SNX18: variants seen among roughly 807,000 people sequenced by gnomAD.
The protein encoded by SNX18 is sorting nexin 18, also known as sorting nexin-18.
A neutral mutation model predicts 48.7 loss-of-function variants in SNX18; 35 were observed. The observed-to-expected ratio is 0.72, with a 90% CI of 0.55 to 0.95. SNX18 has a LOEUF of 0.95. Among genes scored for constraint, SNX18 ranks in the 40% least tolerant of loss-of-function variants. The pLI is 0.00. For synonymous variants in SNX18, 492 were observed against 384.7 expected (o/e 1.28, Z -3.26); for missense variants, 824 against 871.0 (o/e 0.95, Z 0.68).
In SNX18 at chr5:54,518,075, G is replaced by A. The variant is rs773962863; in HGVS notation, c.123G>A (p.Gly41=). 8.4e-6 allele frequency: 13 copies of A among 1,541,040 alleles called. No individual in the cohort carries two copies. The South Asian group carries it at 1.3e-4, about 16-fold the overall frequency. ...SEQDIEGWLE[G]VNSRGDRGLF... is the part of the protein sequence containing the mutation. ...AGGACATCGAGGGCTGGCTCGAGGG[G>A]GTCAACAGCCGCGGCGACCGCGGCC... Residue 41 remains glycine, a synonymous_variant, in exon 1 of 2, where the codon GGG becomes GGA. Coordinates refer to ENST00000381410, the MANE Select transcript of SNX18 (RefSeq NM_001102575.2).
chr5:54,523,146 T>A (rs1395383240), intron 1 of SNX18, among the ~76,000 whole-genome samples: 1 of 152,212 alleles, frequency 6.6e-6, no homozygotes, highest in Non-Finnish European at 1.5e-5. Flanking sequence ...CACTGACATG[T>A]AACCCCTGTG....
At chr5:54,624,112 G>A in the SNX18 span, among the ~76,000 whole-genome samples, 27,988 of 152,158 alleles carry the variant, frequency 0.18, 2,770 homozygotes, top group East Asian at 0.33. Context: ...ATCCATCAAC[G>A]TCCCATTCAG....
intron 1 of SNX18, chr5:54,520,319 A>T (rs1399141311): frequency 5.7e-6 from 1 of 174,416 alleles, no homozygotes; most frequent in East Asian, 1.8e-4. Context: ...ATGAGTTATT[A>T]ATAGTTGTTA....
chr5:54,575,627 G>A, the SNX18 span, among the ~76,000 whole-genome samples: 27 of 152,144 alleles, frequency 1.8e-4, no homozygotes, highest in East Asian at 4.5e-3. Context: ...GCCTCCCAAA[G>A]TGTTGGGATT....
At chr5:54,646,894 T>A in the SNX18 span, among the ~76,000 whole-genome samples, 9 of 152,202 alleles carry the variant, frequency 5.9e-5, no homozygotes, top group Non-Finnish European at 1.2e-4. Flanking sequence ...GGCCTCCTGT[T>A]GTGAGCCCTC....
the SNX18 span, among the ~76,000 whole-genome samples, chr5:54,598,519 A>G: frequency 6.6e-6 from 1 of 152,224 alleles, no homozygotes. Context: ...CAGCACATCA[A>G]GGAGCTTATC....
At position 54,517,843 on chromosome 5, in the gene SNX18, C is replaced by T. The variant is rs1447310893; in HGVS notation, c.-110C>T. On this transcript the variant is annotated 5_prime_UTR_variant, in exon 1 of 2. Coordinates refer to ENST00000381410, the MANE Select transcript of SNX18 (RefSeq NM_001102575.2). ...GGTCCGGGCAGCGTGGGTTTGCCGC[C>T]TTCGGGGCTCCAGTCCGCGCGCCAG... The T allele has an allele frequency of 1.6e-6, 2 of 1,221,970 alleles. No individual in the cohort carries two copies. The highest frequency in any genetic ancestry group is 1.6e-5 in the African/African-American group (1 of 62,594). 75.7% of individuals were successfully genotyped at this position (1,221,970 alleles called of 1,614,324 possible). A position where few individuals can be genotyped will look rare whatever the true frequency, so the allele number is the denominator to read the frequency against.
Position 54,518,765 on chromosome 5 carries a change from G to A in SNX18, c.813G>A (p.Glu271=). 1 of 1,606,564 alleles carries A rather than the reference G, an allele frequency of 6.2e-7. No individual in the cohort carries two copies. The highest frequency in any genetic ancestry group is 1.1e-5 in the South Asian group (1 of 90,156). ...GGCCCTATGGCCCCGAGTGGCAGGA[G>A]AACCCCTACCCGTTCCAGTGCACCA... ...VLGPYGPEWQ[E]NPYPFQCTID... The change falls in exon 1 of 2, where the codon GAG becomes GAA. Residue 271 remains glutamate, a synonymous_variant. Transcript: ENST00000381410.
At chr5:54,646,012 C>T in the SNX18 span, 1 of 152,050 alleles carries the variant, frequency 6.6e-6, no homozygotes, top group East Asian at 1.9e-4. Flanking sequence ...GTGGTTTGGC[C>T]GGCTGGTTGG....
the SNX18 span, among the ~76,000 whole-genome samples, chr5:54,647,143 A>T: frequency 1.3e-5 from 2 of 152,370 alleles, no homozygotes; most frequent in Non-Finnish European, 1.5e-5. Context: ...CAGGATATTT[A>T]ACAATATAGT....
At chr5:54,642,364 T>A in the SNX18 span, among the ~76,000 whole-genome samples, 13 of 151,960 alleles carry the variant, frequency 8.6e-5, no homozygotes, top group African/African-American at 3.1e-4. Context: ...TAAATAAAAA[T>A]GGAATTAGTT....
chr5:54,634,900 T>C, the SNX18 span, among the ~76,000 whole-genome samples: 4 of 151,568 alleles, frequency 2.6e-5, no homozygotes, highest in East Asian at 7.7e-4. Context: ...TTCAGTGCAC[T>C]GGAAATTAAC....
intron 1 of SNX18, among the ~76,000 whole-genome samples, chr5:54,537,373 C>CT (rs1458824691): frequency 1.3e-5 from 2 of 152,210 alleles, no homozygotes; most frequent in Non-Finnish European, 2.9e-5. Flanking sequence ...TGCACCTGCA[C>CT]TTTCTTTTCA....
At chr5:54,600,775 A>G in the SNX18 span, among the ~76,000 whole-genome samples, 57 of 152,168 alleles carry the variant, frequency 3.7e-4, no homozygotes, top group Non-Finnish European at 7.2e-4. Flanking sequence ...GGAGCTGAAC[A>G]ATGGGATCGC....
At chr5:54,528,443 G>A (rs544370832) in intron 1 of SNX18, among the ~76,000 whole-genome samples, 3 of 152,164 alleles carry the variant, frequency 2.0e-5, no homozygotes, top group African/African-American at 7.2e-5. Flanking sequence ...GTGATAGAGA[G>A]GAATTGTCAG....
chr5:54,569,040 G>T, the SNX18 span, among the ~76,000 whole-genome samples: 6 of 151,808 alleles, frequency 4.0e-5, no homozygotes, highest in African/African-American at 7.3e-5. Context: ...ACATGGTTTT[G>T]CCATGTTTGC....
At chr5:54,569,043 A>T in the SNX18 span, among the ~76,000 whole-genome samples, 3 of 151,764 alleles carry the variant, frequency 2.0e-5, no homozygotes, top group Admixed American at 2.0e-4. Flanking sequence ...TGGTTTTGCC[A>T]TGTTTGCCAG....
At position 54,543,682 on chromosome 5, in the gene SNX18, A is replaced by C. The variant is rs1425617260; in HGVS notation, c.*250A>C. ...CCTACACTACCATTGTAACTTTTGG[A>C]ATAATGATTATACTATTTGCCTTAT... On this transcript the variant is annotated 3_prime_UTR_variant, in exon 2 of 2. Coordinates refer to ENST00000381410, the MANE Select transcript of SNX18 (RefSeq NM_001102575.2). 1.4e-5 allele frequency: 6 copies of C among 439,624 alleles called. No homozygotes were observed. Among genetic ancestry groups the C allele is most frequent in the Non-Finnish European group, 1.6e-5 (4 of 247,288 alleles). The allele number at this position is 439,624 out of a possible 1,614,324, so 27.2% of individuals were successfully genotyped here.
chr5:54,612,042 T>A, the SNX18 span, among the ~76,000 whole-genome samples: 1 of 152,156 alleles, frequency 6.6e-6, no homozygotes, highest in Non-Finnish European at 1.5e-5. Flanking sequence ...CATGCCTGGC[T>A]AATTTTTAAA....
Sources: gnomAD v4.1 joint callset for allele counts (sites outside exome capture counted in the v4.1 genomes callset) on GRCh38, gnomAD v4.1.1 for gene constraint, MANE v1.5 for transcripts, NCBI Gene and HGNC (gene_info 2026-07-23, HGNC 2026-07-21) for gene names.